The following NEK11 variants were observed in gnomAD, a reference collection of about 807,000 sequenced individuals.
NEK11 encodes the protein serine/threonine-protein kinase Nek11.
In NEK11, 72 loss-of-function variants were observed where a neutral mutation model predicts 80.7. The observed-to-expected ratio is 0.89, with a 90% CI of 0.74 to 1.08. The LOEUF (loss-of-function observed/expected upper bound fraction) is 1.08. Among genes scored for constraint, NEK11 ranks in the 50% least tolerant of loss-of-function variants. NEK11 has a pLI of 0.00. For synonymous variants in NEK11, 251 were observed against 260.7 expected, an observed-to-expected ratio of 0.96 and a Z score of 0.36; for missense variants, 764 against 763.6, an observed-to-expected ratio of 1.00 and a Z score of -0.01.
intron 2 of NEK11, 32 bp from the exon 3 acceptor site, chr3:131,029,581 T>C: frequency 3.4e-6 from 3 of 890,496 alleles, no homozygotes; most frequent in Non-Finnish European, 5.2e-6. Flanking sequence ...TAGCAACCTT[T>C]AGACCTGATC....
rs2090394256 is a variant in NEK11, at chr3:131,154,944, C to T, written c.877-92C>T. 6.7e-6 allele frequency: 5 copies of T among 746,088 alleles called. No homozygotes were observed. The South Asian group carries it at 8.9e-5, about 13-fold the overall frequency. 46.2% of individuals were successfully genotyped at this position (746,088 alleles called of 1,614,324 possible). ...TCAGGCTCCCTGCCATGGTCAAAAGCACCCCAAATCTGAAAAGATTCTTGG... is the reference window on the plus strand; with the variant it reads ...TCAGGCTCCCTGCCATGGTCAAAAGTACCCCAAATCTGAAAAGATTCTTGG... On this transcript the variant is annotated intron_variant, in intron 9 of 17. Coordinates refer to ENST00000383366, the MANE Select transcript of NEK11 (RefSeq NM_024800.5).
At chr3:131,187,735 T>C (rs1208195444) in intron 14 of NEK11, among the ~76,000 whole-genome samples, 2 of 152,144 alleles carry the variant, frequency 1.3e-5, no homozygotes, top group Non-Finnish European at 2.9e-5. Flanking sequence ...CAGAGCATAT[T>C]AGGACCAAAC....
At chr3:131,171,187 C>T (rs148148870) in intron 14 of NEK11, among the ~76,000 whole-genome samples, 3 of 152,200 alleles carry the variant, frequency 2.0e-5, no homozygotes, top group South Asian at 2.1e-4. Context: ...GTGCAAACTC[C>T]GAATACTCTG....
At chr3:131,199,094 A>T (rs2094135584) in intron 14 of NEK11, among the ~76,000 whole-genome samples, 1 of 152,322 alleles carries the variant, frequency 6.6e-6, no homozygotes, top group Middle Eastern at 3.4e-3. Context: ...GCCACAGGTA[A>T]CGAGGAAATT....
intron 4 of NEK11, among the ~76,000 whole-genome samples, chr3:131,094,144 G>A (rs1019662409): frequency 1.3e-5 from 2 of 151,132 alleles, no homozygotes; most frequent in South Asian, 2.1e-4. Context: ...AGTGTGGGTG[G>A]TGGGAAGAAC....
chr3:131,196,371 T>C lies in NEK11; in HGVS notation c.1399+25484T>C, dbSNP rs547217842. ...ACACACAAAAATAAATTTCAGTGAATTAAAAATTTAAATATTTAAGATATG... is the reference window on the plus strand; with the variant it reads ...ACACACAAAAATAAATTTCAGTGAACTAAAAATTTAAATATTTAAGATATG... On this transcript the variant is annotated intron_variant, in intron 14 of 17. Coordinates refer to ENST00000383366, the MANE Select transcript of NEK11 (RefSeq NM_024800.5). Among the ~76,000 whole-genome samples, 9 of 152,168 alleles carry C rather than the reference T, an allele frequency of 5.9e-5. No individual in the cohort carries two copies. The South Asian group carries it at 1.9e-3, about 32-fold the overall frequency.
intron 14 of NEK11, among the ~76,000 whole-genome samples, chr3:131,203,745 A>ATGTG (rs2094336083): frequency 2.9e-5 from 2 of 70,038 alleles, no homozygotes; most frequent in African/African-American, 5.2e-5. Context: ...GTGTATATAT[A>ATGTG]TATGTGTGTG....
intron 17 of NEK11, among the ~76,000 whole-genome samples, chr3:131,298,388 G>T (rs1026608569): frequency 4.6e-5 from 7 of 152,138 alleles, no homozygotes; most frequent in Non-Finnish European, 8.8e-5. Flanking sequence ...CACGTCCCTT[G>T]TAAGTTGGAT....
intron 15 of NEK11, among the ~76,000 whole-genome samples, chr3:131,242,503 C>T (rs1232364554): frequency 6.6e-6 from 1 of 152,132 alleles, no homozygotes; most frequent in Non-Finnish European, 1.5e-5. Context: ...TTCCAATCAG[C>T]AGCATAATTC....
chr3:131,150,912 A>C (rs1164867940), intron 7 of NEK11, among the ~76,000 whole-genome samples: 2 of 151,986 alleles, frequency 1.3e-5, no homozygotes, highest in African/African-American at 2.4e-5. Flanking sequence ...TTGGCTAAAA[A>C]CATCTTTATT....
intron 17 of NEK11, among the ~76,000 whole-genome samples, chr3:131,301,106 C>G (rs2096656236): frequency 6.6e-6 from 1 of 152,074 alleles, no homozygotes; most frequent in African/African-American, 2.4e-5. Context: ...CCCTGGTTAA[C>G]TATATTCCCA....
chr3:131,237,940 C>G (rs550502385), intron 15 of NEK11, among the ~76,000 whole-genome samples: 2 of 152,280 alleles, frequency 1.3e-5, no homozygotes, highest in East Asian at 3.9e-4. Flanking sequence ...CTCCTACTAA[C>G]CCTCCCGTCT....
At chr3:131,339,218 T>G (rs912081228) in intron 17 of NEK11, among the ~76,000 whole-genome samples, 1 of 152,188 alleles carries the variant, frequency 6.6e-6, no homozygotes, top group Non-Finnish European at 1.5e-5. Flanking sequence ...AAAGTGTCTA[T>G]TTTCTTCTGG....
chr3:131,305,694 G>A (rs1425406454), intron 17 of NEK11, among the ~76,000 whole-genome samples: 1 of 152,278 alleles, frequency 6.6e-6, no homozygotes, highest in Middle Eastern at 3.4e-3. Context: ...TTGAGATCTT[G>A]GGGTCTCCTG....
intron 4 of NEK11, among the ~76,000 whole-genome samples, chr3:131,086,637 A>G (rs900327253): frequency 1.3e-5 from 2 of 152,168 alleles, no homozygotes; most frequent in Non-Finnish European, 2.9e-5. Context: ...ATTCCATTTT[A>G]CAGATGAAGA....
At chr3:131,169,873 C>G (rs2150047341) in intron 13 of NEK11, among the ~76,000 whole-genome samples, 1 of 152,342 alleles carries the variant, frequency 6.6e-6, no homozygotes, top group South Asian at 2.1e-4. Context: ...CATGTACTCT[C>G]TGTTCTTTAT....
intron 4 of NEK11, among the ~76,000 whole-genome samples, chr3:131,083,353 C>A (rs907783690): frequency 2.6e-5 from 4 of 152,148 alleles, no homozygotes; most frequent in Admixed American, 2.6e-4. Flanking sequence ...GGGCTGTTGC[C>A]ATGGTGATGG....
At chr3:131,173,555 T>C (rs2092820957) in intron 14 of NEK11, among the ~76,000 whole-genome samples, 1 of 150,846 alleles carries the variant, frequency 6.6e-6, no homozygotes, top group South Asian at 2.2e-4. Flanking sequence ...TCCTGCTTTC[T>C]ATCTAGTATA....
At chr3:131,048,745 A>T (rs1263361279) in intron 3 of NEK11, among the ~76,000 whole-genome samples, 1 of 152,118 alleles carries the variant, frequency 6.6e-6, no homozygotes, top group Admixed American at 6.6e-5. Flanking sequence ...AGTTCTCTGT[A>T]TGAGTCTTCA....
Sources: gnomAD v4.1 joint callset for allele counts (sites outside exome capture counted in the v4.1 genomes callset) on GRCh38, gnomAD v4.1.1 for gene constraint, MANE v1.5 for transcripts, NCBI Gene and HGNC (gene_info 2026-07-23, HGNC 2026-07-21) for gene names.